Variants in ABCC3 observed in about 807,000 individuals in gnomAD.
ABCC3 encodes the protein ATP binding cassette subfamily C member 3, also known as ATP-binding cassette sub-family C member 3.
A neutral mutation model predicts 165.3 loss-of-function variants in ABCC3; 121 were observed. The observed-to-expected ratio is 0.73, with a 90% CI of 0.63 to 0.85. ABCC3 has a LOEUF of 0.85. Among genes scored for constraint, ABCC3 ranks in the 40% least tolerant of loss-of-function variants. The probability of loss-of-function intolerance (pLI) is 0.00; values close to 1 mark genes in which losing one functional copy is unlikely to be tolerated. For synonymous variants in ABCC3, 733 were observed against 810.1 expected (o/e 0.90, Z 1.62); for missense variants, 1,869 against 1,964.1 (o/e 0.95, Z 0.92).
At chr17:50,676,870 G>A (rs1967826570) in intron 23 of ABCC3, among the ~76,000 whole-genome samples, 1 of 111,898 alleles carries the variant, frequency 8.9e-6, no homozygotes, top group African/African-American at 3.3e-5. Context: ...GGACTTTCCT[G>A]TTGGCTTTTT....
At chr17:50,651,510 C>T (rs371060228) in intron 1 of ABCC3, among the ~76,000 whole-genome samples, 43 of 152,212 alleles carry the variant, frequency 2.8e-4, no homozygotes, top group African/African-American at 9.1e-4. Context: ...AACACTTGAC[C>T]TCAGGATTTC....
chr17:50,684,886 G>A lies in ABCC3; in HGVS notation c.4280+11G>A, dbSNP rs759871217. On this transcript the variant is annotated intron_variant, in intron 29 of 30. Coordinates refer to ENST00000285238, the MANE Select transcript of ABCC3 (RefSeq NM_003786.4). Reference sequence around the variant, plus strand: ...CGGGGAGAATCTCAGGTAAACACTGGGAGTGCAGAGGTCAGGAACTGCAAC... The same window carrying A: ...CGGGGAGAATCTCAGGTAAACACTGAGAGTGCAGAGGTCAGGAACTGCAAC... 2 of 1,612,640 alleles carry A rather than the reference G, an allele frequency of 1.2e-6. No homozygotes were observed. Among genetic ancestry groups the A allele is most frequent in the Non-Finnish European group, 1.7e-6 (2 of 1,179,376 alleles).
At chr17:50,668,817 C>G in intron 14 of ABCC3, 36 bp from the exon 15 acceptor site, 1 of 1,597,406 alleles carries the variant, frequency 6.3e-7, no homozygotes, top group Non-Finnish European at 8.6e-7. Context: ...ATCCCTTGAG[C>G]TCCCTCCCTG....
chr17:50,668,456 G>C lies in ABCC3; in HGVS notation c.1809G>C (p.Gln603His), dbSNP rs372779205. Residue 603 changes from glutamine (Q) to histidine (H), a missense_variant, in exon 14 of 31, where the codon CAG (glutamine) becomes CAC (histidine). By Grantham distance (24) the Gln-to-His change is conservative. Coordinates refer to ENST00000285238, the MANE Select transcript of ABCC3 (RefSeq NM_003786.4). ...CCAGTGTGTCTCTGAAACGGATCCAGCAATTCCTGAGCCAAGAGGAACTTG... is the reference window on the plus strand; with the variant it reads ...CCAGTGTGTCTCTGAAACGGATCCACCAATTCCTGAGCCAAGAGGAACTTG... Reference protein sequence around the residue: ...TQASVSLKRIQQFLSQEELDP... With the variant: ...TQASVSLKRIHQFLSQEELDP... 2.2e-5 allele frequency: 35 copies of C among 1,613,876 alleles called. No individual in the cohort carries two copies. The highest frequency in any genetic ancestry group is 2.9e-5 in the Non-Finnish European group (34 of 1,179,946).
At chr17:50,658,267 C>A (rs1020635516) in intron 5 of ABCC3, 60 bp downstream of exon 5, 25 of 1,611,602 alleles carry the variant, frequency 1.6e-5, no homozygotes, top group Non-Finnish European at 1.8e-5. Context: ...CAACTCTGAC[C>A]AGCAGCCCCC....
rs1208388357 is a variant in ABCC3 at position 50,673,471 on chromosome 17, G to A, written c.2412G>A (p.Thr804=). The change falls in exon 19 of 31, where the codon ACG becomes ACA. Residue 804 remains threonine, a splice_region_variant and synonymous_variant. Coordinates refer to ENST00000285238, the MANE Select transcript of ABCC3 (RefSeq NM_003786.4). ...AGAGCCTGCTGCCTTCTCCCCAGAC[G>A]CGAGTGCTGGTGACGCACGGCATTA... ...IGPEGVLAGK[T]RVLVTHGISF... is the part of the protein sequence containing the mutation. 11 of 1,613,938 alleles carry A rather than the reference G, an allele frequency of 6.8e-6. No homozygotes were observed. The highest frequency in any genetic ancestry group is 1.7e-4 in the Middle Eastern group (1 of 6,058).
chr17:50,655,092 T>C (rs1597845072), intron 1 of ABCC3, among the ~76,000 whole-genome samples: 10 of 65,618 alleles, frequency 1.5e-4, no homozygotes, highest in African/African-American at 2.0e-4. Context: ...AGAGTGAGAC[T>C]CCATCTCAAA....
rs576176010 is a variant in ABCC3 at position 50,668,448 on chromosome 17, C to T, written c.1801C>T (p.Arg601Trp). ...NLTQASVSLK[R>W]IQQFLSQEEL... ...CCCGTAGGCCAGTGTGTCTCTGAAA[C>T]GGATCCAGCAATTCCTGAGCCAAGA... The change falls in exon 14 of 31, where the codon CGG (arginine) becomes TGG (tryptophan). Residue 601 changes from arginine to tryptophan, a missense_variant. Transcript: ENST00000285238. 49 of 1,613,856 alleles carry T rather than the reference C, an allele frequency of 3.0e-5. No individual in the cohort carries two copies. Among genetic ancestry groups the T allele is most frequent in the South Asian group, 2.0e-4 (18 of 91,080 alleles).
intron 7 of ABCC3, among the ~76,000 whole-genome samples, chr17:50,659,650 A>G (rs72837547): frequency 0.1 from 15,363 of 152,094 alleles, 827 homozygotes; most frequent in African/African-American, 0.13. Context: ...TAATTTTTCA[A>G]CAGCCCTAAA....
In ABCC3 at chr17:50,669,133, C is replaced by T. The variant is rs529400421; in HGVS notation, c.1938-7C>T. On this transcript the variant is annotated splice_region_variant and splice_polypyrimidine_tract_variant and intron_variant, in intron 15 of 30. Coordinates refer to ENST00000285238, the MANE Select transcript of ABCC3 (RefSeq NM_003786.4). ...TCTAACTGGACTCCTGGGGTCCTTG[C>T]CCCCAGCCTAGACATCCAGGTCCCG... is the stretch of plus-strand genomic sequence containing the variant. 34 of 1,595,262 alleles carry T rather than the reference C, an allele frequency of 2.1e-5. No homozygotes were observed. Among genetic ancestry groups the T allele is most frequent in the Non-Finnish European group, 2.8e-5 (33 of 1,172,992 alleles).
In ABCC3 at chr17:50,687,538, T is replaced by G. The variant is rs1344101626; in HGVS notation, c.4283T>G (p.Val1428Gly). Residue 1428 changes from valine to glycine, a missense_variant and splice_region_variant, in exon 30 of 31, where the codon GTG becomes GGG. Physicochemically the swap from Val to Gly is moderately radical, Grantham distance 109 (BLOSUM62 -3). Coordinates refer to ENST00000285238, the MANE Select transcript of ABCC3 (RefSeq NM_003786.4). ...QCSEGGENLS[V>G]GQRQLVCLAR... ...ATGCCTGCCTTCTCCACTCCCAGCG[T>G]GGGCCAGAGGCAGCTCGTGTGCCTG... The G allele has an allele frequency of 1.2e-6, 2 of 1,612,852 alleles. No individual in the cohort carries two copies. The highest frequency in any genetic ancestry group is 1.7e-6 in the Non-Finnish European group (2 of 1,179,806).
intron 1 of ABCC3, among the ~76,000 whole-genome samples, chr17:50,647,482 G>C (rs1241057380): frequency 6.6e-6 from 1 of 152,218 alleles, no homozygotes; most frequent in African/African-American, 2.4e-5. Context: ...TGAGGCTCAG[G>C]AGGTGATTTG....
At position 50,663,934 on chromosome 17, in the gene ABCC3, T is replaced by C. The variant is rs1220901693; in HGVS notation, c.1177-16T>C. ...GAGGCTCGCAGCCAAGTCCACCCAC[T>C]ACTGTCTACCTGCAGGCTCTGGTTA... On this transcript the variant is annotated splice_polypyrimidine_tract_variant and intron_variant, in intron 9 of 30. Transcript: ENST00000285238. 6.2e-7 allele frequency: 1 copy of C among 1,614,190 alleles called. No homozygotes were observed. The highest frequency in any genetic ancestry group is 8.5e-7 in the Non-Finnish European group (1 of 1,180,036).
At chr17:50,640,714 C>A (rs985421895) in intron 1 of ABCC3, among the ~76,000 whole-genome samples, 2 of 152,052 alleles carry the variant, frequency 1.3e-5, no homozygotes, top group Admixed American at 1.3e-4. Context: ...GTAGAGACAG[C>A]GTTTCGTCAT....
intron 18 of ABCC3, 106 bp downstream of exon 18, chr17:50,673,244 G>T (rs569021407): frequency 7.0e-6 from 10 of 1,419,928 alleles, no homozygotes; most frequent in African/African-American, 1.4e-5. Flanking sequence ...TGTGGGGGGC[G>T]CAAGAAGTGG....
chr17:50,671,013 G>T (rs955424673), intron 17 of ABCC3, among the ~76,000 whole-genome samples: 23 of 152,020 alleles, frequency 1.5e-4, no homozygotes, highest in Non-Finnish European at 2.6e-4. Context: ...CAGCACTCTG[G>T]GAGGCTGAGG....
rs1321908070 is a variant in ABCC3, at chr17:50,642,949, C to G, written c.45+7968C>G. ...CCTGTTGCCAAAGTGGGTGTAGTTT[C>G]TCTTTTGTACACTGGGCCTAACAGT... On this transcript the variant is annotated intron_variant, in intron 1 of 30. Transcript: ENST00000285238. Among the ~76,000 whole-genome samples the G allele has an allele frequency of 2.6e-5, 4 of 152,368 alleles. No individual in the cohort carries two copies. The South Asian group carries it at 6.2e-4, about 24-fold the overall frequency.
chr17:50,674,030 CTCTCTCTTTCTTTCTT>C (rs1967744388), intron 19 of ABCC3, among the ~76,000 whole-genome samples: 2 of 4,694 alleles, frequency 4.3e-4, no homozygotes, highest in African/African-American at 2.5e-3. Flanking sequence ...CTCTCTCTCT[CTCTCTCTTTCTTTCTT>C]TCTTTCTTTC....
At chr17:50,660,837 C>T in intron 7 of ABCC3, 86 bp from the exon 8 acceptor site, 1 of 1,262,562 alleles carries the variant, frequency 7.9e-7, no homozygotes, top group Non-Finnish European at 1.1e-6. Context: ...TCCTCCTCCT[C>T]ACTCCTAGCC....
Sources: allele counts gnomAD v4.1 joint callset (sites outside exome capture counted in the v4.1 genomes callset), GRCh38; gene constraint gnomAD v4.1.1; transcripts MANE v1.5; gene names NCBI Gene and HGNC (gene_info 2026-07-23, HGNC 2026-07-21).